The following CAMK4 variants were observed in gnomAD, a reference collection of about 807,000 sequenced individuals.
CAMK4 encodes the protein calcium/calmodulin dependent protein kinase IV.
In CAMK4, 22 loss-of-function variants were observed where a neutral mutation model predicts 44.9. The ratio of observed to expected loss-of-function variants is 0.49; its 90% confidence interval spans 0.35 to 0.70. CAMK4 has a LOEUF of 0.70. Among genes scored for constraint, CAMK4 ranks in the 30% least tolerant of loss-of-function variants. The pLI, the probability that CAMK4 is intolerant of heterozygous loss-of-function variation, is 0.01. For synonymous variants in CAMK4, 218 were observed against 215.4 expected (o/e 1.01, Z -0.11); for missense variants, 498 against 586.8 (o/e 0.85, Z 1.56).
At chr5:111,469,159 AAAAAAAAAAAAAAATATATATAT>A (rs1159250301) in intron 7 of CAMK4, among the ~76,000 whole-genome samples, 103 of 85,784 alleles carry the variant, frequency 1.2e-3, no homozygotes, top group Non-Finnish European at 1.7e-3. Context: ...AAAAAAAAAA[AAAAAAAAAAAAAAATATATATAT>A]ATATATATAT....
chr5:111,463,510 C>G (rs1323287738), intron 7 of CAMK4, among the ~76,000 whole-genome samples: 1 of 152,176 alleles, frequency 6.6e-6, no homozygotes, highest in Non-Finnish European at 1.5e-5. Flanking sequence ...CTTGAAAGTG[C>G]CACCTCCTGG....
At chr5:111,285,664 G>A (rs1354573333) in intron 1 of CAMK4, among the ~76,000 whole-genome samples, 1 of 152,092 alleles carries the variant, frequency 6.6e-6, no homozygotes, top group Non-Finnish European at 1.5e-5. Flanking sequence ...ACTCTTTTGT[G>A]CTGTTAGAAT....
chr5:111,265,523 T>C (rs1242055341), intron 1 of CAMK4, among the ~76,000 whole-genome samples: 1 of 152,226 alleles, frequency 6.6e-6, no homozygotes, highest in Non-Finnish European at 1.5e-5. Context: ...CTCTAAAATT[T>C]AGCTTCTCTC....
chr5:111,276,223 C>T (rs1750754526), intron 1 of CAMK4, among the ~76,000 whole-genome samples: 1 of 152,054 alleles, frequency 6.6e-6, no homozygotes, highest in East Asian at 1.9e-4. Context: ...GGATTTCTAC[C>T]TATCCTCTAG....
In CAMK4 at chr5:111,484,590, A is replaced by G; in HGVS notation, c.*124A>G. ...TGTTTTTGAGGTGCAAAAAACATAC[A>G]TATATACCAGTTGGTAATTCTAACT... On this transcript the variant is annotated 3_prime_UTR_variant, in exon 11 of 11. Coordinates refer to ENST00000282356, the MANE Select transcript of CAMK4 (RefSeq NM_001744.6). The surrounding 1 kb of genome is among the most constrained non-coding windows in gnomAD (Gnocchi z 5.3). 1 of 506,556 alleles carries G rather than the reference A, an allele frequency of 2.0e-6. No individual in the cohort carries two copies. Among genetic ancestry groups the G allele is most frequent in the Non-Finnish European group, 3.2e-6 (1 of 309,230 alleles). The allele number at this position is 506,556 out of a possible 1,614,324, so 31.4% of individuals were successfully genotyped here. A position where few individuals can be genotyped will look rare whatever the true frequency, so the allele number is the denominator to read the frequency against.
chr5:111,350,125 A>G (rs960908618), intron 2 of CAMK4, among the ~76,000 whole-genome samples: 2 of 152,050 alleles, frequency 1.3e-5, no homozygotes, highest in African/African-American at 4.8e-5. Flanking sequence ...GTTATAGAAT[A>G]TCTCTCAATC....
At chr5:111,253,361 G>A (rs913471230) in intron 1 of CAMK4, among the ~76,000 whole-genome samples, 2 of 152,176 alleles carry the variant, frequency 1.3e-5, no homozygotes, top group African/African-American at 4.8e-5. Context: ...GGTGCCGGCT[G>A]CCCTGCTTGC....
chr5:111,452,214 T>C (rs79600759), intron 7 of CAMK4, among the ~76,000 whole-genome samples: 3,598 of 152,306 alleles, frequency 0.024, 140 homozygotes, highest in African/African-American at 0.083. Flanking sequence ...TTAGGTGCTG[T>C]TTGTCACTTT....
At chr5:111,360,302 T>A (rs1443069260) in intron 2 of CAMK4, among the ~76,000 whole-genome samples, 1 of 152,100 alleles carries the variant, frequency 6.6e-6, no homozygotes, top group Non-Finnish European at 1.5e-5. Flanking sequence ...CTGGCTTAGA[T>A]AACCCAGGGA....
intron 1 of CAMK4, among the ~76,000 whole-genome samples, chr5:111,310,871 G>A (rs1194192320): frequency 6.6e-6 from 1 of 151,900 alleles, no homozygotes; most frequent in East Asian, 1.9e-4. Context: ...TAGTTTTCTG[G>A]GCTGTAGGGA....
intron 1 of CAMK4, among the ~76,000 whole-genome samples, chr5:111,239,206 C>G (rs1382195127): frequency 6.6e-6 from 1 of 152,112 alleles, no homozygotes; most frequent in Non-Finnish European, 1.5e-5. Flanking sequence ...GGGTCTTTGA[C>G]CGTGTTTTCA....
chr5:111,461,325 C>A (rs1754635055), intron 7 of CAMK4, among the ~76,000 whole-genome samples: 1 of 152,126 alleles, frequency 6.6e-6, no homozygotes, highest in African/African-American at 2.4e-5. Flanking sequence ...CAGAGGCAAC[C>A]CCCTCTGGAA....
chr5:111,262,291 G>A (rs1394091447), intron 1 of CAMK4, among the ~76,000 whole-genome samples: 1 of 152,046 alleles, frequency 6.6e-6, no homozygotes, highest in African/African-American at 2.4e-5. Flanking sequence ...TGAGCTGGTG[G>A]AAAATTGCGG....
At chr5:111,257,239 T>A (rs1749780840) in intron 1 of CAMK4, among the ~76,000 whole-genome samples, 1 of 152,188 alleles carries the variant, frequency 6.6e-6, no homozygotes, top group African/African-American at 2.4e-5. Context: ...AGAAAATTTT[T>A]ACCATCTATC....
At chr5:111,354,508 T>G (rs911692245) in intron 2 of CAMK4, among the ~76,000 whole-genome samples, 6 of 152,080 alleles carry the variant, frequency 3.9e-5, no homozygotes, top group African/African-American at 1.4e-4. Flanking sequence ...GCAATCATTT[T>G]GCAATGCGTA....
At chr5:111,354,732 T>TA (rs971920570) in intron 2 of CAMK4, among the ~76,000 whole-genome samples, 6 of 152,068 alleles carry the variant, frequency 3.9e-5, no homozygotes, top group Non-Finnish European at 8.8e-5. Context: ...ACAAAATAAA[T>TA]AAGACTCCTT....
At chr5:111,389,389 GAGCCA>G (rs1292567756) in intron 4 of CAMK4, among the ~76,000 whole-genome samples, 2 of 152,188 alleles carry the variant, frequency 1.3e-5, no homozygotes, top group Non-Finnish European at 2.9e-5. Flanking sequence ...CCCTAACTTA[GAGCCA>G]AATGAAAATA....
intron 5 of CAMK4, among the ~76,000 whole-genome samples, chr5:111,421,469 A>T (rs767846965): frequency 6.6e-6 from 1 of 152,228 alleles, no homozygotes; most frequent in African/African-American, 2.4e-5. Flanking sequence ...CCTGGCCCCA[A>T]CACCGTGAAT....
chr5:111,478,935 T>G (rs1265788473), intron 9 of CAMK4, among the ~76,000 whole-genome samples: 1 of 152,224 alleles, frequency 6.6e-6, no homozygotes, highest in African/African-American at 2.4e-5. Context: ...TGGAGTGTAA[T>G]GGCATGATCA....
Sources: allele counts gnomAD v4.1 joint callset (sites outside exome capture counted in the v4.1 genomes callset), GRCh38; gene constraint gnomAD v4.1.1; non-coding constraint Gnocchi (gnomAD v3.1); transcripts MANE v1.5; gene names NCBI Gene and HGNC (gene_info 2026-07-23, HGNC 2026-07-21).